Variants in FMN1 observed in about 807,000 individuals in gnomAD.
The protein encoded by FMN1 is formin 1, also known as formin-1.
FMN1 carries 110 observed loss-of-function variants against 132.4 expected under a neutral mutation model. The observed-to-expected ratio is 0.83, with a 90% confidence interval of 0.71 to 0.97. The LOEUF is 0.97. Among genes scored for constraint, FMN1 ranks in the 50% least tolerant of loss-of-function variants. The probability of loss-of-function intolerance (pLI) is 0.00; values close to 1 mark genes in which losing one functional copy is unlikely to be tolerated. For synonymous variants in FMN1, 722 were observed against 651.7 expected (o/e 1.11, Z -1.64); for missense variants, 1,792 against 1,705.3 (o/e 1.05, Z -0.90).
At chr15:32,934,821 G>A (rs2061220453) in intron 9 of FMN1, among the ~76,000 whole-genome samples, 1 of 151,750 alleles carries the variant, frequency 6.6e-6, no homozygotes, top group African/African-American at 2.4e-5. Flanking sequence ...GGGCCAGGCT[G>A]GTCTCAAACT....
chr15:32,791,079 G>C (rs562013336), intron 19 of FMN1, among the ~76,000 whole-genome samples: 2 of 152,232 alleles, frequency 1.3e-5, no homozygotes, highest in African/African-American at 2.4e-5. Context: ...AAATTATCCA[G>C]TGAGAACACA....
chr15:32,946,196 T>C (rs1348861226), intron 9 of FMN1, among the ~76,000 whole-genome samples: 1 of 152,190 alleles, frequency 6.6e-6, no homozygotes. Context: ...TAATTAGTCT[T>C]ATCCTCCTTC....
intron 16 of FMN1, among the ~76,000 whole-genome samples, chr15:32,882,521 G>C (rs1408705491): frequency 6.6e-6 from 1 of 152,192 alleles, no homozygotes; most frequent in East Asian, 1.9e-4. Context: ...TACACTGGTA[G>C]GGAGGAGAAT....
intron 17 of FMN1, among the ~76,000 whole-genome samples, chr15:32,816,842 T>A (rs1042259558): frequency 1.3e-5 from 2 of 152,212 alleles, no homozygotes; most frequent in Admixed American, 6.5e-5. Flanking sequence ...ACAGGCAACA[T>A]GAAATTCTAC....
intron 15 of FMN1, among the ~76,000 whole-genome samples, chr15:32,889,278 G>T (rs754628507): frequency 6.6e-5 from 10 of 152,190 alleles, no homozygotes; most frequent in Non-Finnish European, 1.5e-4. Context: ...AGGCACATGA[G>T]CCTCAAATAT....
intron 3 of FMN1, among the ~76,000 whole-genome samples, chr15:33,166,788 C>A (rs146186307): frequency 6.6e-6 from 1 of 152,128 alleles, no homozygotes; most frequent in African/African-American, 2.4e-5. Context: ...AAATGCACTT[C>A]GTAAAATACC....
At chr15:32,856,738 T>G (rs1185277020) in intron 17 of FMN1, among the ~76,000 whole-genome samples, 4 of 152,162 alleles carry the variant, frequency 2.6e-5, no homozygotes, top group Non-Finnish European at 5.9e-5. Context: ...TTGAGCCCCA[T>G]GAAGAGACAA....
At chr15:32,954,224 C>T (rs558400441) in intron 9 of FMN1, among the ~76,000 whole-genome samples, 1 of 152,214 alleles carries the variant, frequency 6.6e-6, no homozygotes, top group South Asian at 2.1e-4. Context: ...ATATATATAC[C>T]TTACATTTGG....
chr15:33,084,790 G>A (rs1019311236), intron 5 of FMN1, among the ~76,000 whole-genome samples: 2 of 152,082 alleles, frequency 1.3e-5, no homozygotes, highest in African/African-American at 4.8e-5. Context: ...CTAAATGAGG[G>A]GACTTAGTAA....
intron 16 of FMN1, among the ~76,000 whole-genome samples, chr15:32,874,018 T>G (rs974043942): frequency 8.8e-5 from 6 of 67,940 alleles, no homozygotes; most frequent in Middle Eastern, 7.0e-3. Flanking sequence ...ATTTTAGTTG[T>G]TTTTTTTTTT....
chr15:33,128,831 G>T (rs573354877), intron 4 of FMN1, among the ~76,000 whole-genome samples: 6 of 152,156 alleles, frequency 3.9e-5, no homozygotes, highest in Non-Finnish European at 8.8e-5. Flanking sequence ...CAAAGCCTCC[G>T]CAATGCGGAA....
chr15:32,957,422 G>A (rs2956151), intron 9 of FMN1, among the ~76,000 whole-genome samples: 3 of 146,692 alleles, frequency 2.0e-5, no homozygotes, highest in African/African-American at 5.0e-5. Context: ...ATGTCACTTA[G>A]AGACAGTGTA....
intron 7 of FMN1, among the ~76,000 whole-genome samples, chr15:33,000,451 G>GA (rs35351686): frequency 0.032 from 3,704 of 115,616 alleles, 229 homozygotes; most frequent in African/African-American, 0.11. Context: ...TCCATCTCAG[G>GA]AAAAAAAAAA....
intron 7 of FMN1, among the ~76,000 whole-genome samples, chr15:32,994,303 T>A (rs2033638522): frequency 6.6e-6 from 1 of 152,072 alleles, no homozygotes; most frequent in Non-Finnish European, 1.5e-5. Context: ...TTGCTTATTC[T>A]GGGTTGTAGT....
In FMN1 at chr15:32,927,285, C is replaced by A. The variant is rs548379035; in HGVS notation, c.3139-1024G>T. Among the ~76,000 whole-genome samples, 3 of 152,068 alleles carry A rather than the reference C, an allele frequency of 2.0e-5. No individual in the cohort carries two copies. In the South Asian group the frequency reaches 6.2e-4, roughly 32 times the overall value. On this transcript the variant is annotated intron_variant, in intron 9 of 20. Transcript: ENST00000616417. Reference sequence around the variant, plus strand: ...AATCAATTAATTTTTGAGATAGTATCCAGCGCCGTCACACAGGCTGGAGTA... The same window carrying A: ...AATCAATTAATTTTTGAGATAGTATACAGCGCCGTCACACAGGCTGGAGTA...
intron 19 of FMN1, among the ~76,000 whole-genome samples, chr15:32,783,422 T>C (rs1393200048): frequency 6.6e-6 from 1 of 152,108 alleles, no homozygotes; most frequent in Non-Finnish European, 1.5e-5. Context: ...TGTCCTCTGA[T>C]GTTCTTGCCT....
At chr15:32,983,517 T>C (rs952612518) in intron 7 of FMN1, among the ~76,000 whole-genome samples, 1 of 152,162 alleles carries the variant, frequency 6.6e-6, no homozygotes, top group African/African-American at 2.4e-5. Context: ...TAAAATTATA[T>C]CTCATCGAAA....
At chr15:33,127,173 G>T (rs1417797381) in intron 4 of FMN1, among the ~76,000 whole-genome samples, 2 of 75,758 alleles carry the variant, frequency 2.6e-5, no homozygotes, top group East Asian at 2.6e-3. Context: ...CAAACAGAGA[G>T]GAGGTCAGGC....
intron 4 of FMN1, among the ~76,000 whole-genome samples, chr15:33,117,250 A>C (rs1348174650): frequency 2.0e-5 from 3 of 152,188 alleles, no homozygotes; most frequent in African/African-American, 7.2e-5. Context: ...TGGAAGTTAT[A>C]CGCCCTCAGA....
Sources: allele counts gnomAD v4.1 joint callset (sites outside exome capture counted in the v4.1 genomes callset), GRCh38; gene constraint gnomAD v4.1.1; transcripts MANE v1.5; gene names NCBI Gene and HGNC (gene_info 2026-07-23, HGNC 2026-07-21).